The following PRKD2 variants were observed in gnomAD, a reference collection of about 807,000 sequenced individuals.
The protein encoded by PRKD2 is serine/threonine-protein kinase D2.
Under a neutral mutation model 86.0 loss-of-function variants are expected in PRKD2, and 22 were observed. The observed-to-expected ratio is 0.26, with a 90% CI of 0.18 to 0.37. PRKD2 has a LOEUF of 0.37. Among genes scored for constraint, PRKD2 ranks in the 10% least tolerant of loss-of-function variants. The pLI, the probability that PRKD2 is intolerant of heterozygous loss-of-function variation, is 1.00. For missense variants in PRKD2, 818 were observed against 1,199.2 expected (o/e 0.68, Z 4.70); for synonymous variants, 509 against 510.9 (o/e 1.00, Z 0.05).
In PRKD2 at chr19:46,674,626, G is replaced by A. The variant is rs753267078; in HGVS notation, c.2534C>T (p.Pro845Leu). The A allele has an allele frequency of 1.4e-5, 22 of 1,608,522 alleles. No homozygotes were observed. Among genetic ancestry groups the A allele is most frequent in the Middle Eastern group, 1.6e-4 (1 of 6,082 alleles). ...ARWEQFAAEH[P>L]LPGSGLPTDR... The stretch of plus-strand genomic sequence containing the variant: ...CGTGGGCAGCCCAGACCCAGGCAGC[G>A]GATGCTCTGCTGCAAACTGCTCCCA... The change falls in exon 18 of 18, where the codon CCG (proline) becomes CTG (leucine). Residue 845 changes from proline (P) to leucine (L), a missense_variant. By Grantham distance (98) the Pro-to-Leu change is moderately conservative. This residue lies in a region of PRKD2 where 132 missense variants were observed against 146.2 expected (regional missense o/e 0.90). Coordinates refer to ENST00000291281, the MANE Select transcript of PRKD2 (RefSeq NM_016457.5).
At chr19:46,697,698 G>T in intron 8 of PRKD2, 35 bp downstream of exon 8, 1 of 1,571,828 alleles carries the variant, frequency 6.4e-7, no homozygotes, top group Non-Finnish European at 8.7e-7. Flanking sequence ...TCCAGCCTTC[G>T]CTCCGCCGTA....
chr19:46,696,565 C>T (rs758159563), intron 9 of PRKD2, among the ~76,000 whole-genome samples: 13 of 152,088 alleles, frequency 8.5e-5, no homozygotes, highest in Non-Finnish European at 1.5e-4. Flanking sequence ...CAAGACCATC[C>T]TGTCCAACAT....
chr19:46,697,215 C>T lies in PRKD2; in HGVS notation c.1259G>A (p.Arg420His). ...GAGCGTGATACACTTGCAGTCCAGG[C>T]GCCAATAGTGCCGCTTTCTCTGCAG... Reference protein sequence around the residue: ...KDTLRKRHYWRLDCKCITLFQ... With the variant: ...KDTLRKRHYWHLDCKCITLFQ... The change falls in exon 9 of 18, where the codon CGC (arginine) becomes CAC (histidine). Residue 420 changes from arginine (R) to histidine (H), a missense_variant. Physicochemically the swap from Arg to His is conservative, Grantham distance 29 (BLOSUM62 0). This residue lies in a region of PRKD2 where 127 missense variants were observed against 157.8 expected (regional missense o/e 0.80). Transcript: ENST00000291281. 6.3e-7 allele frequency: 1 copy of T among 1,596,852 alleles called. No homozygotes were observed. Among genetic ancestry groups the T allele is most frequent in the Non-Finnish European group, 8.6e-7 (1 of 1,164,724 alleles).
At chr19:46,703,767 G>T (rs1411344314) in intron 5 of PRKD2, among the ~76,000 whole-genome samples, 1 of 146,032 alleles carries the variant, frequency 6.8e-6, no homozygotes, top group Admixed American at 6.9e-5. Context: ...GTGAGACTCC[G>T]TCTCAAAAAA....
intron 14 of PRKD2, 85 bp from the exon 15 acceptor site, chr19:46,681,833 T>C (rs1599812666): frequency 6.1e-6 from 4 of 659,422 alleles, no homozygotes; most frequent in South Asian, 1.9e-5. Context: ...TCCAAACCCA[T>C]CCATACTTTT....
Position 46,704,661 on chromosome 19 carries a change from G to T in PRKD2, c.512-12C>A. 9 of 1,593,100 alleles carry T rather than the reference G, an allele frequency of 5.6e-6. No individual in the cohort carries two copies. The highest frequency in any genetic ancestry group is 7.7e-6 in the Non-Finnish European group (9 of 1,168,858). Reference sequence around the variant, plus strand: ...GTTCAGCCCGCAGCCTGCAGGGGGCGCCAGAGAGTAAGAGACATGGCGTCT... The same window carrying T: ...GTTCAGCCCGCAGCCTGCAGGGGGCTCCAGAGAGTAAGAGACATGGCGTCT... On this transcript the variant is annotated splice_polypyrimidine_tract_variant and intron_variant, in intron 3 of 17. Coordinates refer to ENST00000291281, the MANE Select transcript of PRKD2 (RefSeq NM_016457.5).
In PRKD2 at chr19:46,684,703, G is replaced by A. The variant is rs1016907467; in HGVS notation, c.1972-2955C>T. 3.3e-5 allele frequency among the ~76,000 whole-genome samples: 5 copies of A among 152,146 alleles called. No homozygotes were observed. In the East Asian group the frequency reaches 7.8e-4, roughly 24 times the overall value. On this transcript the variant is annotated intron_variant, in intron 14 of 17. Transcript: ENST00000291281. ...GGTTAGGCCGGGCACGGTGGCTTAC[G>A]CCTGTAATCCCAGCACTTTGGGAGG...
At chr19:46,714,369 C>G in intron 1 of PRKD2, 1 of 951,892 alleles carries the variant, frequency 1.1e-6, no homozygotes, top group South Asian at 4.0e-5. Flanking sequence ...CACCCGCCCC[C>G]CAGCTTCCTT....
chr19:46,694,976 C>A (rs2053536106), intron 9 of PRKD2, among the ~76,000 whole-genome samples: 2 of 152,044 alleles, frequency 1.3e-5, no homozygotes, highest in Non-Finnish European at 2.9e-5. Context: ...CCAAGGCAGG[C>A]AGATCGCTGG....
At position 46,716,229 on chromosome 19, in the gene PRKD2, G is replaced by A; in HGVS notation, c.142C>T (p.His48Tyr). ...TCGCGGGTCAGCCCGATCTGGATGT[G>A]AAAGGAGACCCCGGAACCCGGGGCC... ...IPAPGSGVSF[H>Y]IQIGLTREFV... Residue 48 changes from histidine (H) to tyrosine (Y), a missense_variant, in exon 1 of 18, where the codon CAC becomes TAC. His to Tyr is a moderately conservative substitution (Grantham distance 83, BLOSUM62 2). Transcript: ENST00000291281. The surrounding 1 kb of genome is among the most constrained non-coding windows in gnomAD (Gnocchi z 7.9). The A allele has an allele frequency of 1.2e-6, 2 of 1,608,456 alleles. No individual in the cohort carries two copies. Among genetic ancestry groups the A allele is most frequent in the Non-Finnish European group, 1.7e-6 (2 of 1,178,126 alleles).
At chr19:46,703,126 A>G (rs1461799528) in intron 5 of PRKD2, among the ~76,000 whole-genome samples, 1 of 152,164 alleles carries the variant, frequency 6.6e-6, no homozygotes, top group South Asian at 2.1e-4. Context: ...ATTACCCTCA[A>G]ATCCCATGGT....
intron 3 of PRKD2, among the ~76,000 whole-genome samples, chr19:46,709,023 C>A (rs2053762889): frequency 1.4e-5 from 2 of 140,348 alleles, no homozygotes; most frequent in Admixed American, 1.6e-4. Flanking sequence ...TGTTGCCAGG[C>A]TGGAGTGCAG....
rs759017377 is a variant in PRKD2 at position 46,674,625 on chromosome 19, C to T, written c.2535G>A (p.Pro845=). The T allele has an allele frequency of 1.2e-5, 20 of 1,608,924 alleles. No individual in the cohort carries two copies. Among genetic ancestry groups the T allele is most frequent in the South Asian group, 4.4e-5 (4 of 91,056 alleles). Residue 845 remains proline (P), a synonymous_variant, in exon 18 of 18, where the codon CCG becomes CCA. Transcript: ENST00000291281. ...ARWEQFAAEH[P]LPGSGLPTDR... ...CCGTGGGCAGCCCAGACCCAGGCAG[C>T]GGATGCTCTGCTGCAAACTGCTCCC...
Position 46,716,288 on chromosome 19 carries a change from A to T in PRKD2, c.83T>A (p.Leu28Gln). 2 of 1,561,616 alleles carry T rather than the reference A, an allele frequency of 1.3e-6. No individual in the cohort carries two copies. Among genetic ancestry groups the T allele is most frequent in the South Asian group, 2.3e-5 (2 of 85,992 alleles). Residue 28 changes from leucine (L) to glutamine (Q), a missense_variant, in exon 1 of 18, where the codon CTG becomes CAG. Leu to Gln is a moderately radical substitution (Grantham distance 113, BLOSUM62 -2). Coordinates refer to ENST00000291281, the MANE Select transcript of PRKD2 (RefSeq NM_016457.5). The surrounding 1 kb of genome is among the most constrained non-coding windows in gnomAD (Gnocchi z 7.9). Reference protein sequence around the residue: ...GSPPPPGGLELQSPPPLLPQI... With the variant: ...GSPPPPGGLEQQSPPPLLPQI... ...GGGCAGTAGCGGTGGCGGCGACTGC[A>T]GCTCTAGGCCGCCGGGGGGCGGAGG...
chr19:46,677,807 T>G (rs1252511137), intron 16 of PRKD2, among the ~76,000 whole-genome samples: 2 of 152,142 alleles, frequency 1.3e-5, no homozygotes, highest in African/African-American at 2.4e-5. Flanking sequence ...GCCCTGTTCC[T>G]GGACCTCTTC....
intron 3 of PRKD2, among the ~76,000 whole-genome samples, chr19:46,708,424 C>T (rs113809316): frequency 3.8e-4 from 56 of 149,250 alleles, no homozygotes; most frequent in Non-Finnish European, 6.7e-4. Flanking sequence ...CCCAGGTGAT[C>T]CTCCCACCTC....
chr19:46,680,947 T>TATATATATATATATATATATATATATA (rs1555826536), intron 15 of PRKD2, among the ~76,000 whole-genome samples: 5 of 33,224 alleles, frequency 1.5e-4, no homozygotes, highest in Admixed American at 4.0e-4. Context: ...TATATATATA[T>TATATATATATATATATATATATATATA]TTTTTTTTTT....
chr19:46,711,339 T>C (rs1187756130), intron 2 of PRKD2, among the ~76,000 whole-genome samples: 1 of 152,188 alleles, frequency 6.6e-6, no homozygotes, highest in Non-Finnish European at 1.5e-5. Context: ...CACAACAGTG[T>C]GCGTGAACTT....
intron 14 of PRKD2, among the ~76,000 whole-genome samples, chr19:46,688,052 AT>A (rs57509328): frequency 1.8e-4 from 26 of 146,360 alleles, no homozygotes; most frequent in Admixed American, 2.7e-4. Flanking sequence ...TAGGTTTTCT[AT>A]TTTTTTTTTT....
Sources: allele counts gnomAD v4.1 joint callset (sites outside exome capture counted in the v4.1 genomes callset), GRCh38; gene constraint gnomAD v4.1.1; regional missense constraint gnomAD v4.1.1; non-coding constraint Gnocchi (gnomAD v3.1); transcripts MANE v1.5; gene names NCBI Gene and HGNC (gene_info 2026-07-23, HGNC 2026-07-21).